LINGO3: variants seen among roughly 807,000 people sequenced by gnomAD.
LINGO3 encodes leucine rich repeat and Ig domain containing 3.
For missense variants in LINGO3, 750 were observed against 867.7 expected (o/e 0.86, Z 1.70); for synonymous variants, 427 against 444.2 (o/e 0.96, Z 0.49).
At chr19:2,304,710 CTTTT>C in the LINGO3 span, among the ~76,000 whole-genome samples, 2 of 73,212 alleles carry the variant, frequency 2.7e-5, no homozygotes, top group Non-Finnish European at 5.0e-5. Flanking sequence ...CCATGTCCTG[CTTTT>C]TTTTTTTTTT....
chr19:2,292,830 G>A (rs1013944816), upstream of LINGO3, among the ~76,000 whole-genome samples: 12 of 152,048 alleles, frequency 7.9e-5, no homozygotes, highest in Admixed American at 2.6e-4. Context: ...AACACACAGC[G>A]CACGGAAAAC....
upstream of LINGO3, among the ~76,000 whole-genome samples, chr19:2,293,222 G>A (rs1214724519): frequency 3.3e-5 from 5 of 151,960 alleles, no homozygotes; most frequent in Admixed American, 6.6e-5. Flanking sequence ...CAGCCACCAC[G>A]CCTGGCTAAT....
rs1304901980 is a variant in LINGO3, at chr19:2,290,320, C to T, written c.1457G>A (p.Gly486Asp). 3 of 1,558,700 alleles carry T rather than the reference C, an allele frequency of 1.9e-6. No individual in the cohort carries two copies. Among genetic ancestry groups the T allele is most frequent in the Non-Finnish European group, 2.6e-6 (3 of 1,159,116 alleles). Residue 486 changes from glycine (G) to aspartate (D), a missense_variant, in exon 1 of 1, where the codon GGC (glycine) becomes GAC (aspartate). Transcript: ENST00000585527. This position sits in a 1 kb window ranked among gnomAD's most constrained non-coding sequence, Gnocchi z 6.0. ...CGTGGCGAAGTAGGTGTCGTTGCCG[C>T]CCGCGTTGCTGGCCACGCACGTGTA...
the LINGO3 span, among the ~76,000 whole-genome samples, chr19:2,297,281 G>A: frequency 1.4e-5 from 2 of 143,636 alleles, no homozygotes; most frequent in African/African-American, 2.6e-5. Context: ...CCCAGGACCC[G>A]GGCATGCACC....
chr19:2,289,990 G>T, exon 1 of LINGO3: 1 of 1,520,744 alleles, frequency 6.6e-7, no homozygotes, highest in Non-Finnish European at 8.8e-7. Flanking sequence ...GTCCGCCCTG[G>T]GGACCCCTCA....
chr19:2,290,842 T>C lies in LINGO3; in HGVS notation c.935A>G (p.Gln312Arg). ...GATCTGGCGCAGGCCCAGGAAGGCC[T>C]GCGGCTCCACCACAGCCAGCAGGGC... Residue 312 changes from glutamine (Q) to arginine (R), a missense_variant, in exon 1 of 1, where the codon CAG (glutamine) becomes CGG (arginine). Transcript: ENST00000585527. This position sits in a 1 kb window ranked among gnomAD's most constrained non-coding sequence, Gnocchi z 6.0. 1 of 1,611,816 alleles carries C rather than the reference T, an allele frequency of 6.2e-7. No homozygotes were observed. The highest frequency in any genetic ancestry group is 8.5e-7 in the Non-Finnish European group (1 of 1,179,382).
downstream of LINGO3, among the ~76,000 whole-genome samples, chr19:2,289,507 T>C (rs866158274): frequency 1.3e-5 from 2 of 152,180 alleles, no homozygotes; most frequent in Middle Eastern, 3.4e-3. Flanking sequence ...ATGCAGACTT[T>C]CTGCGCACCC....
upstream of LINGO3, among the ~76,000 whole-genome samples, chr19:2,296,129 C>T (rs1229274159): frequency 2.6e-5 from 4 of 152,212 alleles, no homozygotes; most frequent in Admixed American, 2.0e-4. Flanking sequence ...TCATTCTCTC[C>T]CGAGCTGCTG....
chr19:2,307,434 G>A, the LINGO3 span, among the ~76,000 whole-genome samples: 1 of 152,154 alleles, frequency 6.6e-6, no homozygotes, highest in African/African-American at 2.4e-5. Flanking sequence ...TGGGACTCAG[G>A]GCCTCCCCTG....
chr19:2,294,644 G>T (rs1288251195), upstream of LINGO3, among the ~76,000 whole-genome samples: 2 of 152,002 alleles, frequency 1.3e-5, no homozygotes, highest in Non-Finnish European at 2.9e-5. The surrounding 1 kb of genome is among the most constrained non-coding windows in gnomAD (Gnocchi z 4.3). Context: ...GCCTCTGGGT[G>T]GGGGGCAGAT....
At chr19:2,301,116 G>C in the LINGO3 span, among the ~76,000 whole-genome samples, 1 of 152,178 alleles carries the variant, frequency 6.6e-6, no homozygotes, top group Non-Finnish European at 1.5e-5. Context: ...TGAGGTCCCA[G>C]GAGGCTGTGC....
chr19:2,302,760 C>T, the LINGO3 span, among the ~76,000 whole-genome samples: 12 of 152,256 alleles, frequency 7.9e-5, no homozygotes, highest in Non-Finnish European at 1.8e-4. Flanking sequence ...CAGCTGAGGC[C>T]GCAGAGGCCT....
rs1208133076 is a variant in LINGO3, at chr19:2,291,714, CG to C, written c.62del (p.Pro21ArgfsTer25). On this transcript the variant is annotated frameshift_variant, in exon 1 of 1. Coordinates refer to ENST00000585527, the Ensembl canonical transcript of LINGO3. LOFTEE classifies it low-confidence loss of function (END_TRUNC). ...CGCAGCGGGCCGGGCAGCCTCCAGCCGGGGGCGGCGCCGCGGGCAGCAGGAG... is the reference window on the plus strand; with the variant it reads ...CGCAGCGGGCCGGGCAGCCTCCAGCCGGGGCGGCGCCGCGGGCAGCAGGAG... 10 of 1,341,656 alleles carry C rather than the reference CG, an allele frequency of 7.5e-6. No homozygotes were observed. Among genetic ancestry groups the C allele is most frequent in the Non-Finnish European group, 8.5e-6 (9 of 1,053,512 alleles). 83.1% of individuals were successfully genotyped at this position (1,341,656 alleles called of 1,614,324 possible).
chr19:2,291,288 T>TACC, exon 1 of LINGO3: 1 of 1,612,478 alleles, frequency 6.2e-7, no homozygotes, highest in Non-Finnish European at 8.5e-7. Context: ...GCGAGACGAA[T>TACC]ACCAGGTCGT....
At position 2,291,829 on chromosome 19, in the gene LINGO3, G is replaced by T; in HGVS notation, c.-53C>A. On this transcript the variant is annotated 5_prime_UTR_variant, in exon 1 of 1. Coordinates refer to ENST00000585527, the Ensembl canonical transcript of LINGO3. ...CCACCATCCTCCTGCGCACCTGCGG[G>T]CGGGCGGGGAGCGGGCAGCGTTAGC... is the stretch of plus-strand genomic sequence containing the variant. 1 of 1,433,996 alleles carries T rather than the reference G, an allele frequency of 7.0e-7. No homozygotes were observed. Among genetic ancestry groups the T allele is most frequent in the Non-Finnish European group, 9.3e-7 (1 of 1,075,458 alleles). 88.8% of individuals were successfully genotyped at this position (1,433,996 alleles called of 1,614,324 possible).
chr19:2,294,030 C>G (rs1568412862), upstream of LINGO3, among the ~76,000 whole-genome samples: 1 of 151,902 alleles, frequency 6.6e-6, no homozygotes, highest in Admixed American at 6.6e-5. This position sits in a 1 kb window ranked among gnomAD's most constrained non-coding sequence, Gnocchi z 4.3. Flanking sequence ...AGCCACTGGG[C>G]AACAGAGTGA....
chr19:2,294,994 G>A (rs1040771208), upstream of LINGO3, among the ~76,000 whole-genome samples: 2 of 152,074 alleles, frequency 1.3e-5, no homozygotes, highest in Non-Finnish European at 2.9e-5. The surrounding 1 kb of genome is among the most constrained non-coding windows in gnomAD (Gnocchi z 4.3). Flanking sequence ...GTCTCCTCAC[G>A]GTTCCCACTG....
At chr19:2,306,788 C>T in the LINGO3 span, among the ~76,000 whole-genome samples, 2 of 152,280 alleles carry the variant, frequency 1.3e-5, no homozygotes, top group African/African-American at 2.4e-5. Flanking sequence ...CTTCCTGCCA[C>T]CCCACATCAT....
chr19:2,294,378 C>T (rs531109630), upstream of LINGO3, among the ~76,000 whole-genome samples: 1 of 152,162 alleles, frequency 6.6e-6, no homozygotes, highest in Non-Finnish European at 1.5e-5. The surrounding 1 kb of genome is among the most constrained non-coding windows in gnomAD (Gnocchi z 4.3). Context: ...CCCGGCCCTG[C>T]GGACACCTTG....
Sources: gnomAD v4.1 joint callset for allele counts (sites outside exome capture counted in the v4.1 genomes callset) on GRCh38, gnomAD v4.1.1 for gene constraint, Gnocchi (gnomAD v3.1) non-coding constraint, MANE v1.5 for transcripts, NCBI Gene and HGNC (gene_info 2026-07-23, HGNC 2026-07-21) for gene names.